Variants in UBE2G1 observed in about 807,000 individuals in gnomAD.
UBE2G1 encodes ubiquitin-conjugating enzyme E2 G1.
A neutral mutation model predicts 22.7 loss-of-function variants in UBE2G1; 5 were observed. The ratio of observed to expected loss-of-function variants is 0.22; its 90% CI spans 0.12 to 0.46. The LOEUF is 0.46. Ranked by LOEUF, UBE2G1 falls within the 20% of genes least tolerant of loss-of-function variation. UBE2G1 has a pLI of 0.99. For synonymous variants in UBE2G1, 74 were observed against 67.5 expected (o/e 1.10, Z -0.47); for missense variants, 88 against 203.9 (o/e 0.43, Z 3.46).
chr17:4,338,520 AAAGGT>A (rs1376553665), intron 1 of UBE2G1, among the ~76,000 whole-genome samples: 1 of 152,230 alleles, frequency 6.6e-6, no homozygotes, highest in Admixed American at 6.5e-5. Flanking sequence ...CATAGTAAGT[AAAGGT>A]AATTTCAAAG....
At position 4,289,254 on chromosome 17, in the gene UBE2G1, G is replaced by C. The variant is rs1186635114; in HGVS notation, c.402C>G (p.Asp134Glu). The C allele has an allele frequency of 6.4e-7, 1 of 1,573,762 alleles. No individual in the cohort carries two copies. Among genetic ancestry groups the C allele is most frequent in the Admixed American group, 1.9e-5 (1 of 52,452 alleles). ...CCGCAGCATCAACATTAGCAGGTGAGTCTCCATTAGGGTCTGCCAGCATAG... is the reference window on the plus strand; with the variant it reads ...CCGCAGCATCAACATTAGCAGGTGACTCTCCATTAGGGTCTGCCAGCATAG... The part of the protein sequence containing the change: ...VISMLADPNG[D>E]SPANVDAAKE... Residue 134 changes from aspartate to glutamate, a missense_variant, in exon 4 of 6, where the codon GAC becomes GAG. Asp to Glu is a conservative substitution (Grantham distance 45). This residue lies in a region of UBE2G1 where 38 missense variants were observed against 132.9 expected (regional missense o/e 0.29). Coordinates refer to ENST00000396981, the MANE Select transcript of UBE2G1 (RefSeq NM_003342.5).
chr17:4,276,548 T>C (rs1598176896), intron 5 of UBE2G1, among the ~76,000 whole-genome samples: 6 of 152,300 alleles, frequency 3.9e-5, no homozygotes, highest in Admixed American at 3.9e-4. Flanking sequence ...GTCAGTATAG[T>C]GTATCTATCG....
chr17:4,363,845 G>A (rs867045166), intron 1 of UBE2G1, among the ~76,000 whole-genome samples: 1 of 150,306 alleles, frequency 6.7e-6, no homozygotes, highest in Admixed American at 6.7e-5. Flanking sequence ...CCAGCTACTC[G>A]GGAAGCTCAG....
chr17:4,318,044 C>G (rs546531422), intron 1 of UBE2G1, among the ~76,000 whole-genome samples: 2 of 152,258 alleles, frequency 1.3e-5, no homozygotes, highest in African/African-American at 4.8e-5. Context: ...TATTACTAGC[C>G]TGGGCAACTT....
chr17:4,335,083 G>A (rs1969629301), intron 1 of UBE2G1: 1 of 152,104 alleles, frequency 6.6e-6, no homozygotes, highest in Middle Eastern at 3.4e-3. Flanking sequence ...GTAATGAAAT[G>A]GAAGACAGGA....
intron 1 of UBE2G1, among the ~76,000 whole-genome samples, chr17:4,328,434 A>C (rs1969526449): frequency 6.6e-6 from 1 of 152,238 alleles, no homozygotes; most frequent in South Asian, 2.1e-4. Context: ...GACCTAGTAA[A>C]TGTCAGATAA....
chr17:4,272,396 A>G lies in UBE2G1; in HGVS notation c.*158T>C, dbSNP rs1968771552. ...ACTTGTTAGGCTCTTGTCAGCATTGATAACTGGCATGTTTTATTGCAGCCC... is the reference window on the plus strand; with the variant it reads ...ACTTGTTAGGCTCTTGTCAGCATTGGTAACTGGCATGTTTTATTGCAGCCC... On this transcript the variant is annotated 3_prime_UTR_variant, in exon 6 of 6. Transcript: ENST00000396981. The G allele has an allele frequency of 1.6e-5, 3 of 186,662 alleles. No homozygotes were observed. Among genetic ancestry groups the G allele is most frequent in the South Asian group, 2.9e-4 (2 of 7,008 alleles). The allele number at this position is 186,662 out of a possible 1,614,324, so 11.6% of individuals were successfully genotyped here.
intron 3 of UBE2G1, among the ~76,000 whole-genome samples, chr17:4,295,624 C>T (rs1338262469): frequency 1.3e-5 from 2 of 152,206 alleles, no homozygotes; most frequent in Non-Finnish European, 2.9e-5. Flanking sequence ...AAAGAGACAA[C>T]TCTGATTACA....
rs1211457407 is a variant in UBE2G1, at chr17:4,301,458, T to C, written c.150-4644A>G. The C allele has an allele frequency of 2.0e-5, 15 of 742,560 alleles. No homozygotes were observed. The Middle Eastern group carries it at 1.9e-3, about 94-fold the overall frequency. The allele number at this position is 742,560 out of a possible 1,614,324, so 46.0% of individuals were successfully genotyped here. A position where few individuals can be genotyped will look rare whatever the true frequency, so the allele number is the denominator to read the frequency against. ...GATGTGTTTCCTTGGCTTCAGCAGC[T>C]ATTTTTGCTATAATAATCCTGCTGC... is the stretch of plus-strand genomic sequence containing the variant. On this transcript the variant is annotated intron_variant, in intron 2 of 5. Coordinates refer to ENST00000396981, the MANE Select transcript of UBE2G1 (RefSeq NM_003342.5).
intron 1 of UBE2G1, among the ~76,000 whole-genome samples, chr17:4,342,322 A>G (rs948369057): frequency 6.6e-6 from 1 of 152,092 alleles, no homozygotes; most frequent in Non-Finnish European, 1.5e-5. Flanking sequence ...CACACACTCT[A>G]CCCTTCAAAT....
At chr17:4,305,208 G>A (rs777816205) in intron 2 of UBE2G1, among the ~76,000 whole-genome samples, 37 of 152,028 alleles carry the variant, frequency 2.4e-4, no homozygotes, top group Non-Finnish European at 5.4e-4. Flanking sequence ...TGCCCACCTC[G>A]GCCTCGTGAG....
intron 1 of UBE2G1, among the ~76,000 whole-genome samples, chr17:4,308,908 T>C (rs985123278): frequency 6.6e-6 from 1 of 152,202 alleles, no homozygotes; most frequent in Admixed American, 6.5e-5. Flanking sequence ...GATGGTATTA[T>C]TTCAACAACT....
rs140790071 is a variant in UBE2G1, at chr17:4,347,458, C to G, written c.46+18813G>C. 2.3e-3 allele frequency among the ~76,000 whole-genome samples: 299 copies of G among 132,864 alleles called. 1 individual carries two copies. Among genetic ancestry groups the G allele is most frequent in the African/African-American group, 8.5e-3 (279 of 32,856 alleles). 87.2% of individuals were successfully genotyped at this position (132,864 alleles called of 152,430 possible). On this transcript the variant is annotated intron_variant, in intron 1 of 5. Transcript: ENST00000396981. ...CTGTGTCATATTTCGGTAATTCTCA[C>G]AGTATTTCTTCTTTTTTTTTTTTTT...
chr17:4,312,853 C>T (rs1031958471), intron 1 of UBE2G1, among the ~76,000 whole-genome samples: 1 of 151,174 alleles, frequency 6.6e-6, no homozygotes, highest in African/African-American at 2.4e-5. Context: ...AAAAAAAAGG[C>T]CACAGTTGCC....
chr17:4,344,468 A>G (rs540141553), intron 1 of UBE2G1, among the ~76,000 whole-genome samples: 3 of 150,538 alleles, frequency 2.0e-5, no homozygotes, highest in Non-Finnish European at 4.4e-5. Context: ...TGAACCCGGG[A>G]GGCGGAGGCT....
At chr17:4,283,187 A>C (rs1011201372) in intron 4 of UBE2G1, among the ~76,000 whole-genome samples, 18 of 152,234 alleles carry the variant, frequency 1.2e-4, no homozygotes, top group African/African-American at 4.3e-4. Context: ...ACAGTTTTGT[A>C]TTACACTGAA....
rs575178862 is a variant in UBE2G1, at chr17:4,304,909, A to C, written c.149+2112T>G. ...CTACTCTCTCCATTCCACTGAAATA[A>C]TTACAAGAACCTCACTACTTTCTGC... On this transcript the variant is annotated intron_variant, in intron 2 of 5. Transcript: ENST00000396981. Among the ~76,000 whole-genome samples the C allele has an allele frequency of 6.6e-5, 10 of 151,972 alleles. No individual in the cohort carries two copies. The South Asian group carries it at 2.1e-3, about 32-fold the overall frequency.
At chr17:4,282,169 G>A (rs113276317) in intron 5 of UBE2G1, among the ~76,000 whole-genome samples, 10 of 152,156 alleles carry the variant, frequency 6.6e-5, no homozygotes, top group Admixed American at 1.3e-4. Flanking sequence ...TGCAACCTCC[G>A]TCTCCCAGGT....
intron 2 of UBE2G1, chr17:4,302,640 G>T (rs757135781): frequency 4.5e-5 from 15 of 334,666 alleles, no homozygotes; most frequent in African/African-American, 2.8e-4. Context: ...CATGCCCAGG[G>T]TGAGAACCTA....
Sources: allele counts gnomAD v4.1 joint callset (sites outside exome capture counted in the v4.1 genomes callset), GRCh38; gene constraint gnomAD v4.1.1; regional missense constraint gnomAD v4.1.1; transcripts MANE v1.5; gene names NCBI Gene and HGNC (gene_info 2026-07-23, HGNC 2026-07-21).